TRPC5: variants seen among roughly 807,000 people sequenced by gnomAD.
TRPC5 encodes short transient receptor potential channel 5.
A neutral mutation model predicts 56.5 loss-of-function variants in TRPC5; 9 were observed. The observed-to-expected ratio is 0.16, with a 90% CI of 0.10 to 0.28. The LOEUF is 0.28. Ranked by LOEUF, TRPC5 falls within the 10% of genes least tolerant of loss-of-function variation. TRPC5 has a pLI of 1.00. For synonymous variants in TRPC5, 282 were observed against 278.5 expected (o/e 1.01, Z -0.13); for missense variants, 469 against 748.9 (o/e 0.63, Z 4.36).
chrX:111,916,267 C>T (rs150018081), intron 2 of TRPC5, among the ~76,000 whole-genome samples: 71 of 112,341 alleles, frequency 6.3e-4, no homozygotes, highest in African/African-American at 2.2e-3. Flanking sequence ...CATCCCAAGA[C>T]TCCAAGAAGG....
intron 1 of TRPC5, among the ~76,000 whole-genome samples, chrX:112,058,651 T>A (rs1207133271): frequency 1.8e-5 from 2 of 112,235 alleles, no homozygotes; most frequent in Non-Finnish European, 3.8e-5. Context: ...CATCTTGCCA[T>A]ATACTCTCAT....
At chrX:112,038,535 T>C (rs1929808503) in intron 1 of TRPC5, among the ~76,000 whole-genome samples, 1 of 112,450 alleles carries the variant, frequency 8.9e-6, no homozygotes, top group African/African-American at 3.2e-5. Context: ...GTTATCTTTG[T>C]TTTAACATCC....
intron 3 of TRPC5, among the ~76,000 whole-genome samples, chrX:111,894,965 G>A (rs1187352066): frequency 9.1e-6 from 1 of 110,345 alleles, no homozygotes; most frequent in South Asian, 4.2e-4. Flanking sequence ...TAGTGATATG[G>A]TAGCTAATTT....
intron 2 of TRPC5, among the ~76,000 whole-genome samples, chrX:111,941,565 C>T (rs1340781392): frequency 1.8e-5 from 2 of 112,136 alleles, no homozygotes. Context: ...GGCTTCTCCA[C>T]TGTGCAGGGT....
At chrX:111,815,856 G>A (rs749746782) in intron 7 of TRPC5, among the ~76,000 whole-genome samples, 116 of 111,300 alleles carry the variant, frequency 1.0e-3, no homozygotes, top group African/African-American at 3.5e-3. Flanking sequence ...GACACAGGAC[G>A]GTGGAGAGTA....
At chrX:111,795,593 A>G (rs1177018207) in intron 7 of TRPC5, among the ~76,000 whole-genome samples, 3 of 111,417 alleles carry the variant, frequency 2.7e-5, no homozygotes, top group Non-Finnish European at 5.7e-5. Flanking sequence ...AGTTGTTGTC[A>G]TATTGAAGAT....
chrX:111,790,741 T>C (rs1407020531), intron 7 of TRPC5, among the ~76,000 whole-genome samples: 3 of 110,670 alleles, frequency 2.7e-5, no homozygotes, highest in Non-Finnish European at 3.8e-5. Context: ...TGTTAAGACC[T>C]GATCCATGGT....
chrX:111,856,767 G>T (rs1923246763), intron 3 of TRPC5, among the ~76,000 whole-genome samples: 1 of 98,403 alleles, frequency 1.0e-5, no homozygotes, highest in African/African-American at 3.8e-5. Context: ...AGTGAGCCGA[G>T]ATTGCATCAC....
chrX:111,944,577 A>G (rs1360376382), intron 2 of TRPC5, among the ~76,000 whole-genome samples: 1 of 111,192 alleles, frequency 9.0e-6, no homozygotes, highest in Non-Finnish European at 1.9e-5. Flanking sequence ...ATTTGGAAGA[A>G]GGGTCTTTGC....
chrX:111,905,351 C>T (rs1344854195), intron 3 of TRPC5, among the ~76,000 whole-genome samples: 1 of 109,511 alleles, frequency 9.1e-6, no homozygotes, highest in African/African-American at 3.4e-5. Flanking sequence ...CACAAACCAA[C>T]TAACCAACCA....
At chrX:112,029,476 G>C (rs1467738288) in intron 1 of TRPC5, among the ~76,000 whole-genome samples, 2 of 109,913 alleles carry the variant, frequency 1.8e-5, no homozygotes, top group African/African-American at 7.0e-5. Context: ...GCATCTGTTT[G>C]ATGTACTGAT....
chrX:111,999,421 A>G (rs112538698), intron 1 of TRPC5, among the ~76,000 whole-genome samples: 6,410 of 110,790 alleles, frequency 0.058, 459 homozygotes, highest in African/African-American at 0.2. Context: ...CTCCAGTTCT[A>G]TCCATGTTGC....
intron 1 of TRPC5, among the ~76,000 whole-genome samples, chrX:111,984,614 T>C (rs1391424405): frequency 8.9e-6 from 1 of 111,952 alleles, no homozygotes; most frequent in Non-Finnish European, 1.9e-5. Flanking sequence ...ACAAATGTCT[T>C]ACCAATAAGC....
At chrX:112,035,790 C>G (rs1929721813) in intron 1 of TRPC5, among the ~76,000 whole-genome samples, 1 of 108,436 alleles carries the variant, frequency 9.2e-6, no homozygotes, top group African/African-American at 3.4e-5. Flanking sequence ...TGCCACCATG[C>G]CTGGCTAATT....
intron 6 of TRPC5, among the ~76,000 whole-genome samples, chrX:111,841,609 C>T (rs761704591): frequency 5.3e-5 from 6 of 112,361 alleles, no homozygotes; most frequent in South Asian, 3.7e-4. Flanking sequence ...TATTATTAAA[C>T]GTTCCACCTT....
intron 1 of TRPC5, among the ~76,000 whole-genome samples, chrX:112,048,398 T>TCAAAAAAAAAAAAAAAAA (rs1930121843): frequency 7.4e-5 from 1 of 13,426 alleles, no homozygotes; most frequent in Non-Finnish European, 1.1e-4. Context: ...AGACTCCGTA[T>TCAAAAAAAAAAAAAAAAA]CAAAAAAAAA....
At chrX:111,961,038 C>T (rs189681461) in intron 1 of TRPC5, among the ~76,000 whole-genome samples, 43 of 111,361 alleles carry the variant, frequency 3.9e-4, no homozygotes, top group African/African-American at 1.3e-3. Context: ...TCTCAAACTC[C>T]TGATCTCGTG....
At chrX:111,794,813 T>C (rs1341309374) in intron 7 of TRPC5, among the ~76,000 whole-genome samples, 2 of 111,616 alleles carry the variant, frequency 1.8e-5, no homozygotes, top group African/African-American at 6.5e-5. Context: ...TGTGCCCTTA[T>C]AATCTTACCA....
At chrX:111,909,594 A>G (rs62612027) in intron 3 of TRPC5, among the ~76,000 whole-genome samples, 14,668 of 110,505 alleles carry the variant, frequency 0.13, 1,375 homozygotes, top group African/African-American at 0.33. Flanking sequence ...GTCCACTTCA[A>G]TGTACACAGG....
Sources: gnomAD v4.1 joint callset for allele counts (sites outside exome capture counted in the v4.1 genomes callset) on GRCh38, gnomAD v4.1.1 for gene constraint, MANE v1.5 for transcripts, NCBI Gene and HGNC (gene_info 2026-07-23, HGNC 2026-07-21) for gene names.